Variants in TNRC6C observed in about 807,000 individuals in gnomAD.
TNRC6C encodes trinucleotide repeat-containing gene 6C protein.
TNRC6C carries 20 observed loss-of-function variants against 153.7 expected under a neutral mutation model. The ratio of observed to expected loss-of-function variants is 0.13; its 90% CI spans 0.09 to 0.19. The LOEUF (loss-of-function observed/expected upper bound fraction) is 0.19, where lower values mean the gene tolerates loss of function less well. Ranked by LOEUF, TNRC6C falls within the 10% of genes least tolerant of loss-of-function variation. The probability of loss-of-function intolerance (pLI) is 1.00; values close to 1 mark genes in which losing one functional copy is unlikely to be tolerated. For missense variants in TNRC6C, 1,987 were observed against 2,172.0 expected (o/e 0.91, Z 1.69); for synonymous variants, 811 against 841.4 (o/e 0.96, Z 0.63).
rs144048791 is a variant in TNRC6C at position 78,093,923 on chromosome 17, A to G, written c.4306+160A>G. On this transcript the variant is annotated intron_variant, in intron 16 of 19. Transcript: ENST00000301624. The stretch of plus-strand genomic sequence containing the variant: ...GAAGCAGCATGAAAAGACAGCAGGT[A>G]GTGCTTATGGAGAAATGGAAATCAA... 1.9e-4 allele frequency among the ~76,000 whole-genome samples: 29 copies of G among 152,084 alleles called. 2 individuals carry two copies. In the East Asian group the frequency reaches 5.4e-3, roughly 28 times the overall value.
chr17:78,031,614 C>G (rs1053343058), exon 2 of TNRC6C: 2 of 1,232,396 alleles, frequency 1.6e-6, no homozygotes, highest in African/African-American at 3.1e-5. Context: ...CAATGGCAAA[C>G]GTGCATCTGC....
exon 20 of TNRC6C, chr17:78,106,110 A>G (rs1486582846): frequency 6.6e-6 from 1 of 151,704 alleles, no homozygotes; most frequent in African/African-American, 2.4e-5. Context: ...TAAAGAATGG[A>G]TGGTTCCGTG....
chr17:78,093,028 C>G, exon 15 of TNRC6C: 2 of 1,613,832 alleles, frequency 1.2e-6, no homozygotes, highest in Non-Finnish European at 1.7e-6. Context: ...CAGTGAGTCA[C>G]CAGCCAGTCC....
In TNRC6C at chr17:78,075,249, T is replaced by A; in HGVS notation, c.3031T>A (p.Ser1011Thr). The change falls in exon 8 of 20, where the codon TCC (serine) becomes ACC (threonine). Residue 1011 changes from serine to threonine, a missense_variant. This residue lies in a region of TNRC6C where 765 missense variants were observed against 908.6 expected (regional missense o/e 0.84). Transcript: ENST00000301624. This position sits in a 1 kb window ranked among gnomAD's most constrained non-coding sequence, Gnocchi z 4.2. ...CCGCCCGCCAATCTCCAAAGAGTCT[T>A]CCGTGGACCGCCCCACCTTTCTTGA... 2 of 1,601,036 alleles carry A rather than the reference T, an allele frequency of 1.2e-6. No homozygotes were observed. Among genetic ancestry groups the A allele is most frequent in the Non-Finnish European group, 1.7e-6 (2 of 1,173,634 alleles).
exon 3 of TNRC6C, chr17:78,051,440 T>C: frequency 6.7e-7 from 1 of 1,493,222 alleles, no homozygotes; most frequent in Non-Finnish European, 8.9e-7. Flanking sequence ...TCACCGTTGC[T>C]TGGTCCAGGT....
chr17:77,977,718 A>G (rs2071020159), intron 1 of TNRC6C, among the ~76,000 whole-genome samples: 1 of 152,102 alleles, frequency 6.6e-6, no homozygotes, highest in Non-Finnish European at 1.5e-5. Flanking sequence ...TAAGAACTTA[A>G]AAAACAGGGA....
At position 77,988,158 on chromosome 17, in the gene TNRC6C, C is replaced by T. The variant is rs533120234; in HGVS notation, c.-37-16012C>T. Among the ~76,000 whole-genome samples the T allele has an allele frequency of 3.9e-5, 6 of 152,208 alleles. No individual in the cohort carries two copies. The East Asian group carries it at 1.2e-3, about 30-fold the overall frequency. The stretch of plus-strand genomic sequence containing the variant: ...CTTTAGGCCAGAAGTTTGAGACCAG[C>T]CTGGGCAACAGGGTGAGACTCCGTC... On this transcript the variant is annotated intron_variant, in intron 1 of 22. Coordinates refer to the TNRC6C transcript ENST00000636222.
rs140619816 is a variant in TNRC6C, at chr17:78,104,178, T to C, written c.4713-307T>C. Among the ~76,000 whole-genome samples the C allele has an allele frequency of 1.3e-5, 2 of 152,196 alleles. No homozygotes were observed. The highest frequency in any genetic ancestry group is 6.5e-5 in the Admixed American group (1 of 15,284). On this transcript the variant is annotated intron_variant, in intron 19 of 19. Transcript: ENST00000301624. The surrounding 1 kb of genome is among the most constrained non-coding windows in gnomAD (Gnocchi z 6.2). ...CTGATCAGTAACATCACTTGAGACGTTGGAACCTAGAAATTAGTCATTCCT... is the reference window on the plus strand; with the variant it reads ...CTGATCAGTAACATCACTTGAGACGCTGGAACCTAGAAATTAGTCATTCCT...
At chr17:78,024,719 C>T (rs1259492865) in intron 1 of TNRC6C, among the ~76,000 whole-genome samples, 1 of 151,786 alleles carries the variant, frequency 6.6e-6, no homozygotes, top group Non-Finnish European at 1.5e-5. Context: ...ATAAAGTTCC[C>T]ATGTATTCCC....
At chr17:78,051,114 T>C (rs773075906) in exon 3 of TNRC6C, 9 of 1,587,788 alleles carry the variant, frequency 5.7e-6, no homozygotes, top group Non-Finnish European at 7.7e-6. Flanking sequence ...GAGCTGCTTC[T>C]GTGAAACAGA....
intron 3 of TNRC6C, among the ~76,000 whole-genome samples, chr17:78,058,565 C>G (rs2072704074): frequency 6.6e-6 from 1 of 152,184 alleles, no homozygotes; most frequent in South Asian, 2.1e-4. Context: ...TACAGTTGAT[C>G]CAAGCTAAAC....
At chr17:78,010,984 G>A (rs368935719) in intron 1 of TNRC6C, among the ~76,000 whole-genome samples, 3 of 152,182 alleles carry the variant, frequency 2.0e-5, no homozygotes, top group Non-Finnish European at 4.4e-5. Context: ...GGCGCCTCCC[G>A]AGGGCACTTC....
At chr17:78,054,675 GAGACTACTGC>G (rs1472965418) in intron 3 of TNRC6C, among the ~76,000 whole-genome samples, 1 of 138,952 alleles carries the variant, frequency 7.2e-6, no homozygotes, top group Non-Finnish European at 1.6e-5. Context: ...TACGCTACTG[GAGACTACTGC>G]AGACTACTGT....
chr17:78,078,876 A>T lies in TNRC6C; in HGVS notation c.3211-519A>T, dbSNP rs143859815. On this transcript the variant is annotated intron_variant, in intron 9 of 19. Coordinates refer to ENST00000301624, the Ensembl canonical transcript of TNRC6C. The stretch of plus-strand genomic sequence containing the variant: ...GGGAGGCCGAGGCAGGTGGATCACA[A>T]GGTCAGGAGTTCAAGACCAGCTTGG... 5.5e-3 allele frequency among the ~76,000 whole-genome samples: 837 copies of T among 152,248 alleles called. 8 individuals carry two copies. Among genetic ancestry groups the T allele is most frequent in the African/African-American group, 0.019 (803 of 41,538 alleles).
At chr17:77,997,854 C>G (rs1220823721) in intron 1 of TNRC6C, among the ~76,000 whole-genome samples, 1 of 152,036 alleles carries the variant, frequency 6.6e-6, no homozygotes, top group African/African-American at 2.4e-5. Context: ...CGGGGTTTCA[C>G]CGTGTTAGCC....
chr17:77,957,750 G>A (rs1475504963), upstream of TNRC6C, among the ~76,000 whole-genome samples: 2 of 152,168 alleles, frequency 1.3e-5, no homozygotes, highest in African/African-American at 4.8e-5. Flanking sequence ...AGTTAAAAAG[G>A]GACTTTTCGA....
In TNRC6C at chr17:78,079,579, A is replaced by G. The variant is rs779692265; in HGVS notation, c.3357+38A>G. 1 of 1,603,198 alleles carries G rather than the reference A, an allele frequency of 6.2e-7. No individual in the cohort carries two copies. The highest frequency in any genetic ancestry group is 8.5e-7 in the Non-Finnish European group (1 of 1,171,196). ...TCCAAGCAGGACTGAGCAACAGGAT[A>G]TAGATGCCAGTGTTTCGTGGGGTCC... On this transcript the variant is annotated intron_variant, in intron 10 of 19. Transcript: ENST00000301624. The surrounding 1 kb of genome is among the most constrained non-coding windows in gnomAD (Gnocchi z 4.3).
chr17:77,979,789 C>G (rs1309527762), intron 1 of TNRC6C, among the ~76,000 whole-genome samples: 1 of 151,328 alleles, frequency 6.6e-6, no homozygotes, highest in African/African-American at 2.4e-5. Context: ...GGAAAAATTG[C>G]CAAAACAAAG....
chr17:77,996,127 CTAAAG>C, intron 1 of TNRC6C, among the ~76,000 whole-genome samples: 1 of 152,162 alleles, frequency 6.6e-6, no homozygotes, highest in East Asian at 1.9e-4. Context: ...TATGGCAATA[CTAAAG>C]TAATTTTTAT....
Sources: gnomAD v4.1 joint callset for allele counts (sites outside exome capture counted in the v4.1 genomes callset) on GRCh38, gnomAD v4.1.1 for gene constraint, gnomAD v4.1.1 regional missense constraint, Gnocchi (gnomAD v3.1) non-coding constraint, MANE v1.5 for transcripts, NCBI Gene and HGNC (gene_info 2026-07-23, HGNC 2026-07-21) for gene names.